Variants in MYO18B observed in about 807,000 individuals in gnomAD.
MYO18B encodes unconventional myosin-XVIIIb.
In MYO18B, 204 loss-of-function variants were observed where a neutral mutation model predicts 273.0. That is an observed-to-expected ratio of 0.75 (90% confidence interval 0.67 to 0.84). The LOEUF is 0.84. Ranked by LOEUF, MYO18B falls within the 40% of genes least tolerant of loss-of-function variation. The probability of loss-of-function intolerance (pLI) is 0.00; values close to 1 mark genes in which losing one functional copy is unlikely to be tolerated. For missense variants in MYO18B, 3,212 were observed against 3,287.6 expected, an observed-to-expected ratio of 0.98 and a Z score of 0.56; for synonymous variants, 1,330 against 1,305.7, an observed-to-expected ratio of 1.02 and a Z score of -0.40.
At chr22:26,023,827 GA>G (rs1233910599) in intron 42 of MYO18B, among the ~76,000 whole-genome samples, 5 of 152,098 alleles carry the variant, frequency 3.3e-5, no homozygotes, top group Non-Finnish European at 1.5e-5. Flanking sequence ...AAGTAAGGAA[GA>G]AAAAAAATAC....
intron 20 of MYO18B, among the ~76,000 whole-genome samples, chr22:25,848,910 C>T (rs1285321820): frequency 6.6e-6 from 1 of 152,222 alleles, no homozygotes; most frequent in African/African-American, 2.4e-5. Context: ...CTTCTCCCAT[C>T]TCCCCCTGCT....
chr22:25,894,495 T>C (rs914119869), intron 27 of MYO18B, among the ~76,000 whole-genome samples: 2 of 152,232 alleles, frequency 1.3e-5, no homozygotes, highest in Non-Finnish European at 1.5e-5. Context: ...AGTCAAACAG[T>C]TTTAATCAAA....
At chr22:25,947,172 T>C (rs1164960882) in intron 35 of MYO18B, among the ~76,000 whole-genome samples, 1 of 151,634 alleles carries the variant, frequency 6.6e-6, no homozygotes, top group Non-Finnish European at 1.5e-5. Context: ...TGAATGTACA[T>C]ATTCACGTGC....
At chr22:25,803,668 T>C (rs187943275) in intron 12 of MYO18B, among the ~76,000 whole-genome samples, 2 of 152,292 alleles carry the variant, frequency 1.3e-5, no homozygotes, top group Non-Finnish European at 2.9e-5. Flanking sequence ...TCACTTCCCG[T>C]ATCTAAGCCT....
rs1211449780 is a variant in MYO18B, at chr22:25,950,341, A to G, written c.5749-26A>G. On this transcript the variant is annotated intron_variant, in intron 36 of 43. Coordinates refer to ENST00000335473, the MANE Select transcript of MYO18B (RefSeq NM_032608.7). ...GGCTTGTGGACTCAGGGTGATATAT[A>G]TACATTTTTTTTTTTGTCTCACCAG... The G allele has an allele frequency of 4.1e-6, 6 of 1,462,734 alleles. No homozygotes were observed. The Admixed American group carries it at 6.6e-5, about 16-fold the overall frequency. The allele number at this position is 1,462,734 out of a possible 1,614,324, so 90.6% of individuals were successfully genotyped here.
At chr22:26,057,282 T>C in the MYO18B span, among the ~76,000 whole-genome samples, 784 of 152,298 alleles carry the variant, frequency 5.1e-3, 6 homozygotes, top group African/African-American at 0.016. Flanking sequence ...TCAGTTAATA[T>C]GATGCCTCTA....
At chr22:25,947,521 CACACACACACACACACACACA>C (rs1408238401) in intron 35 of MYO18B, among the ~76,000 whole-genome samples, 170 bp from the exon 36 acceptor site, 17 of 147,650 alleles carry the variant, frequency 1.2e-4, no homozygotes, top group African/African-American at 4.2e-4. Context: ...CACACACACA[CACACACACACACACACACACA>C]CCAAGCTGTT....
intron 34 of MYO18B, among the ~76,000 whole-genome samples, chr22:25,941,676 A>G (rs1206612157): frequency 6.6e-6 from 1 of 152,252 alleles, no homozygotes; most frequent in Non-Finnish European, 1.5e-5. Context: ...CTAAAGTGCA[A>G]TAAATTGAAA....
intron 31 of MYO18B, among the ~76,000 whole-genome samples, chr22:25,904,375 C>T (rs75554421): frequency 0.032 from 4,942 of 152,234 alleles, 283 homozygotes; most frequent in African/African-American, 0.11. Context: ...ACACATCTCA[C>T]GAATCTCCAC....
rs2086667125 is a variant in MYO18B, at chr22:25,770,176, G to C, written c.1579G>C (p.Ala527Pro). The C allele has an allele frequency of 6.2e-7, 1 of 1,613,776 alleles. No individual in the cohort carries two copies. Among genetic ancestry groups the C allele is most frequent in the Admixed American group, 1.7e-5 (1 of 60,000 alleles). The part of the protein sequence containing the change: ...WLAQKDGFTL[A>P]TVLKPDEGTA... ...GGCTCAGAAGGATGGATTTACTCTT[G>C]GTAAGTAGGGGTGTTAGCACCTTTG... Residue 527 changes from alanine (A) to proline (P), a missense_variant and splice_region_variant, in exon 5 of 44, where the codon GCT (alanine) becomes CCT (proline). Transcript: ENST00000335473.
intron 39 of MYO18B, among the ~76,000 whole-genome samples, chr22:25,980,544 G>A (rs563264128): frequency 5.3e-5 from 8 of 152,200 alleles, no homozygotes; most frequent in South Asian, 2.1e-4. Context: ...TTACCTGAGC[G>A]TGAGTCAAAT....
At chr22:25,753,330 G>A (rs568976213) in intron 1 of MYO18B, among the ~76,000 whole-genome samples, 1 of 152,192 alleles carries the variant, frequency 6.6e-6, no homozygotes, top group South Asian at 2.1e-4. Context: ...TCTGTGTCTA[G>A]CTAAGGATTT....
intron 17 of MYO18B, among the ~76,000 whole-genome samples, chr22:25,836,294 C>T (rs1381067408): frequency 6.6e-6 from 1 of 152,160 alleles, no homozygotes; most frequent in African/African-American, 2.4e-5. Flanking sequence ...AAAGAAGTCA[C>T]CCCTGGCCCT....
chr22:25,907,072 G>A (rs1318839321), intron 31 of MYO18B, among the ~76,000 whole-genome samples: 1 of 152,208 alleles, frequency 6.6e-6, no homozygotes, highest in African/African-American at 2.4e-5. Context: ...AAGCTTCAAA[G>A]CTTTCTTGGG....
chr22:25,903,431 C>T (rs2091977118), intron 30 of MYO18B, among the ~76,000 whole-genome samples, 200 bp from the exon 31 acceptor site: 1 of 152,198 alleles, frequency 6.6e-6, no homozygotes, highest in Non-Finnish European at 1.5e-5. Flanking sequence ...AACTCCATGC[C>T]TGTAGGAGCT....
At chr22:25,836,144 G>A (rs555591978) in intron 17 of MYO18B, among the ~76,000 whole-genome samples, 1 of 152,276 alleles carries the variant, frequency 6.6e-6, no homozygotes, top group South Asian at 2.1e-4. Flanking sequence ...GAGGGGAGAT[G>A]AAGGCGTGAA....
At chr22:26,029,117 A>G (rs1936513373) in intron 43 of MYO18B, among the ~76,000 whole-genome samples, 1 of 152,200 alleles carries the variant, frequency 6.6e-6, no homozygotes, top group Non-Finnish European at 1.5e-5. Flanking sequence ...TATCTTTAAA[A>G]GTTTTCCCTA....
chr22:25,916,599 G>A (rs1339659056), intron 33 of MYO18B, among the ~76,000 whole-genome samples: 1 of 152,044 alleles, frequency 6.6e-6, no homozygotes, highest in Non-Finnish European at 1.5e-5. Context: ...TAACATTTAG[G>A]ATGATTTGGA....
At chr22:26,035,989 C>A (rs1936770336), downstream of MYO18B, among the ~76,000 whole-genome samples, 1 of 152,200 alleles carries the variant, frequency 6.6e-6, no homozygotes, top group South Asian at 2.1e-4. Flanking sequence ...TGTTTCAAGG[C>A]CCCTGGCTCT....
Sources: allele counts gnomAD v4.1 joint callset (sites outside exome capture counted in the v4.1 genomes callset), GRCh38; gene constraint gnomAD v4.1.1; transcripts MANE v1.5; gene names NCBI Gene and HGNC (gene_info 2026-07-23, HGNC 2026-07-21).